Variants in HIVEP3 observed in about 807,000 individuals in gnomAD.
HIVEP3 encodes the protein HIVEP zinc finger 3.
HIVEP3 carries 49 observed loss-of-function variants against 152.8 expected under a neutral mutation model. The ratio of observed to expected loss-of-function variants is 0.32; its 90% CI spans 0.26 to 0.41. The LOEUF (loss-of-function observed/expected upper bound fraction) is 0.41, where lower values mean the gene tolerates loss of function less well. Among genes scored for constraint, HIVEP3 ranks in the 10% least tolerant of loss-of-function variants. The pLI is 1.00. For missense variants in HIVEP3, 2,790 were observed against 3,103.3 expected, an observed-to-expected ratio of 0.90 and a Z score of 2.40; for synonymous variants, 1,269 against 1,289.0, an observed-to-expected ratio of 0.98 and a Z score of 0.33.
chr1:41,597,889 C>T (rs1644689477), intron 3 of HIVEP3, among the ~76,000 whole-genome samples: 2 of 152,234 alleles, frequency 1.3e-5, no homozygotes, highest in South Asian at 4.1e-4. Context: ...CACACATCTA[C>T]AAACAAGGCC....
At chr1:41,916,850 T>G (rs914877341) in intron 1 of HIVEP3, among the ~76,000 whole-genome samples, 6 of 152,062 alleles carry the variant, frequency 3.9e-5, no homozygotes, top group African/African-American at 1.4e-4. Context: ...CTGCCTGGAA[T>G]TGGGAAACTG....
At chr1:41,856,389 G>A (rs559288022) in intron 1 of HIVEP3, among the ~76,000 whole-genome samples, 3 of 152,306 alleles carry the variant, frequency 2.0e-5, no homozygotes, top group Non-Finnish European at 2.9e-5. Flanking sequence ...AGGTGACCCC[G>A]TTGCCAAGCT....
At chr1:41,972,016 T>C (rs982280904) in intron 1 of HIVEP3, among the ~76,000 whole-genome samples, 1 of 152,230 alleles carries the variant, frequency 6.6e-6, no homozygotes. Context: ...TGCCTTGATC[T>C]TGGACTTCCC....
intron 1 of HIVEP3, among the ~76,000 whole-genome samples, chr1:41,887,017 A>G (rs1215718945): frequency 6.6e-6 from 1 of 151,038 alleles, no homozygotes; most frequent in Non-Finnish European, 1.5e-5. Flanking sequence ...TAAAACAAAA[A>G]AAAGTGGATG....
At chr1:41,780,660 G>A (rs1648990623) in intron 1 of HIVEP3, among the ~76,000 whole-genome samples, 1 of 152,206 alleles carries the variant, frequency 6.6e-6, no homozygotes, top group African/African-American at 2.4e-5. Flanking sequence ...CACAAATGCA[G>A]GACCGAACTG....
chr1:41,861,345 C>T (rs1643885684), intron 1 of HIVEP3, among the ~76,000 whole-genome samples: 2 of 152,206 alleles, frequency 1.3e-5, no homozygotes, highest in African/African-American at 4.8e-5. Context: ...CCTAGTTGCT[C>T]TACTCTAAGG....
rs753916397 is a variant in HIVEP3, at chr1:41,580,738, C to A, written c.4060G>T (p.Ala1354Ser). Residue 1354 changes from alanine (A) to serine (S), a missense_variant, in exon 4 of 9, where the codon GCA becomes TCA. Physicochemically the swap from Ala to Ser is moderately conservative, Grantham distance 99. This residue lies in a region of HIVEP3 where 1,078 missense variants were observed against 1,165.3 expected (regional missense o/e 0.93). Coordinates refer to ENST00000372583, the MANE Select transcript of HIVEP3 (RefSeq NM_024503.5). ...GGGGGTTCCTCAAACTTGGGAAGTG[C>A]CACAGTTGCTGAGCTGCCTTGGGAC... Reference protein sequence around the residue: ...TQSQGSSATVALPKFEEPPSK... With the variant: ...TQSQGSSATVSLPKFEEPPSK... The A allele has an allele frequency of 9.2e-5, 147 of 1,589,826 alleles. No homozygotes were observed. The highest frequency in any genetic ancestry group is 1.2e-4 in the Non-Finnish European group (136 of 1,168,520).
At chr1:41,753,248 A>G (rs1287216523) in intron 1 of HIVEP3, among the ~76,000 whole-genome samples, 2 of 152,208 alleles carry the variant, frequency 1.3e-5, no homozygotes, top group Non-Finnish European at 2.9e-5. Flanking sequence ...TGTTTTTTTA[A>G]TGTGCATCCC....
chr1:41,638,385 G>T (rs114317379), intron 2 of HIVEP3, among the ~76,000 whole-genome samples: 8,789 of 138,652 alleles, frequency 0.063, 838 homozygotes, highest in African/African-American at 0.21. Flanking sequence ...GAGAGAGAGA[G>T]AAAGAAAGAA....
intron 3 of HIVEP3, among the ~76,000 whole-genome samples, chr1:41,611,823 C>G (rs111669200): frequency 2.6e-5 from 4 of 152,180 alleles, no homozygotes; most frequent in South Asian, 2.1e-4. Flanking sequence ...AGTTGGGTTT[C>G]GGGGACCTTT....
chr1:41,905,113 G>C (rs1247422832), intron 1 of HIVEP3, among the ~76,000 whole-genome samples: 1 of 152,086 alleles, frequency 6.6e-6, no homozygotes, highest in Non-Finnish European at 1.5e-5. Flanking sequence ...GCCTCTCTAG[G>C]CCCTGCTTCC....
At chr1:41,525,435 C>T (rs527942220) in intron 5 of HIVEP3, among the ~76,000 whole-genome samples, 1 of 152,298 alleles carries the variant, frequency 6.6e-6, no homozygotes, top group Admixed American at 6.5e-5. Flanking sequence ...GAGACTTGTC[C>T]AAGATCCCAT....
intron 2 of HIVEP3, among the ~76,000 whole-genome samples, chr1:41,677,343 T>C (rs1265802974): frequency 1.3e-5 from 2 of 152,184 alleles, no homozygotes; most frequent in Admixed American, 6.5e-5. Flanking sequence ...AGAAATACAA[T>C]AGTGTGACAG....
At chr1:41,790,091 ACTT>A (rs1558271595) in intron 1 of HIVEP3, among the ~76,000 whole-genome samples, 3 of 152,176 alleles carry the variant, frequency 2.0e-5, no homozygotes, top group Non-Finnish European at 4.4e-5. Context: ...TGGCTCTGCC[ACTT>A]CTTAACTGCG....
At chr1:41,678,032 C>A (rs1645982949) in intron 2 of HIVEP3, among the ~76,000 whole-genome samples, 2 of 152,120 alleles carry the variant, frequency 1.3e-5, no homozygotes, top group African/African-American at 4.8e-5. Flanking sequence ...AGAGGTTGGC[C>A]CATTTGTGTC....
Position 41,547,764 on chromosome 1 carries a change from T to C in HIVEP3, c.5208-22854A>G, listed in dbSNP as rs1457112820. Among the ~76,000 whole-genome samples the C allele has an allele frequency of 2.0e-5, 3 of 152,344 alleles. 1 individual carries two copies. The highest frequency in any genetic ancestry group is 3.4e-3 in the Middle Eastern group (1 of 294). On this transcript the variant is annotated intron_variant, in intron 5 of 8. Transcript: ENST00000372583. ...ATAATTTTCATGTATTCATTGCCAC[T>C]CTCCCCTCACAAAAGTGAGATGAGT...
intron 1 of HIVEP3, among the ~76,000 whole-genome samples, chr1:41,797,030 C>CA (rs1186618546): frequency 6.6e-6 from 1 of 152,006 alleles, no homozygotes. Flanking sequence ...ATGGCCATGG[C>CA]AAAAAAAGTC....
At chr1:41,755,226 C>T (rs1004066808) in intron 1 of HIVEP3, among the ~76,000 whole-genome samples, 3 of 151,896 alleles carry the variant, frequency 2.0e-5, no homozygotes, top group Non-Finnish European at 4.4e-5. Context: ...TTTTAACAAG[C>T]GGTGCTAGAA....
Position 41,714,419 on chromosome 1 carries a change from A to G in HIVEP3, c.-800-13424T>C, listed in dbSNP as rs1474638832. 3.3e-5 allele frequency among the ~76,000 whole-genome samples: 5 copies of G among 152,216 alleles called. No homozygotes were observed. In the East Asian group the frequency reaches 9.6e-4, roughly 29 times the overall value. ...GCTCATTTAAGACTCACTGAAATCT[A>G]TGAGGCAGATACTGTCACCTCTAAT... is the stretch of plus-strand genomic sequence containing the variant. On this transcript the variant is annotated intron_variant, in intron 1 of 8. Transcript: ENST00000372583.
Sources: allele counts gnomAD v4.1 joint callset (sites outside exome capture counted in the v4.1 genomes callset), GRCh38; gene constraint gnomAD v4.1.1; regional missense constraint gnomAD v4.1.1; transcripts MANE v1.5; gene names NCBI Gene and HGNC (gene_info 2026-07-23, HGNC 2026-07-21).